Variants in DYM observed in about 807,000 individuals in gnomAD.
The protein encoded by DYM is dymeclin.
A neutral mutation model predicts 93.1 loss-of-function variants in DYM; 78 were observed. The observed-to-expected ratio is 0.84, with a 90% confidence interval of 0.70 to 1.01. The LOEUF is 1.01. Ranked by LOEUF, DYM falls within the 50% of genes least tolerant of loss-of-function variation. The pLI, the probability that DYM is intolerant of heterozygous loss-of-function variation, is 0.00. For synonymous variants in DYM, 321 were observed against 319.7 expected (o/e 1.00, Z -0.04); for missense variants, 789 against 845.0 (o/e 0.93, Z 0.82).
chr18:49,335,412 C>T (rs1599507426), intron 6 of DYM, among the ~76,000 whole-genome samples: 1 of 151,996 alleles, frequency 6.6e-6, no homozygotes, highest in African/African-American at 2.4e-5. Flanking sequence ...GCTGAGATTA[C>T]ACCACTGCAC....
chr18:49,399,934 C>CTTTTTTTTTTTTTTTTTT lies in DYM; in HGVS notation c.141-8307_141-8290dup, dbSNP rs1201370040. Among the ~76,000 whole-genome samples the CTTTTTTTTTTTTTTTTTT allele has an allele frequency of 6.2e-3, 409 of 66,122 alleles. 2 individuals are homozygous for CTTTTTTTTTTTTTTTTTT. Among genetic ancestry groups the CTTTTTTTTTTTTTTTTTT allele is most frequent in the Non-Finnish European group, 8.7e-3 (315 of 36,416 alleles). 43.4% of individuals were successfully genotyped at this position (66,122 alleles called of 152,430 possible). On this transcript the variant is annotated intron_variant, in intron 2 of 17. Coordinates refer to ENST00000675505, the MANE Select transcript of DYM (RefSeq NM_001353214.3). ...TTAAAAGACATTTATTTTTATTTTT[C>CTTTTTTTTTTTTTTTTTT]TTTTTTTTTTTTTTTTTTTTTTTTT...
intron 2 of DYM, among the ~76,000 whole-genome samples, chr18:49,397,697 T>C (rs1010533101): frequency 1.3e-5 from 2 of 152,218 alleles, no homozygotes; most frequent in African/African-American, 2.4e-5. Context: ...GAAAACTGAT[T>C]GCTCTTAGTT....
At chr18:49,275,132 T>C (rs1424025854) in intron 10 of DYM, among the ~76,000 whole-genome samples, 3 of 152,162 alleles carry the variant, frequency 2.0e-5, no homozygotes, top group African/African-American at 7.2e-5. Flanking sequence ...TTGACCCATT[T>C]TGAATTAACT....
chr18:49,299,140 G>A (rs916161504), intron 8 of DYM, among the ~76,000 whole-genome samples: 24 of 152,132 alleles, frequency 1.6e-4, no homozygotes, highest in African/African-American at 5.8e-4. Context: ...ACGGATCAAT[G>A]ATGATGGTGT....
At chr18:49,266,128 TTAAAC>T (rs1568133688) in intron 11 of DYM, among the ~76,000 whole-genome samples, 4 of 151,830 alleles carry the variant, frequency 2.6e-5, no homozygotes, top group Admixed American at 2.0e-4. Context: ...AATTAAATAA[TTAAAC>T]TAACAAAAAA....
intron 17 of DYM, among the ~76,000 whole-genome samples, chr18:49,075,156 A>G (rs529081143): frequency 6.6e-6 from 1 of 152,238 alleles, no homozygotes; most frequent in South Asian, 2.1e-4. Flanking sequence ...ATCAGTAAGG[A>G]CCCATAACCC....
intron 6 of DYM, among the ~76,000 whole-genome samples, chr18:49,345,192 T>C (rs1395419524): frequency 1.3e-5 from 2 of 152,166 alleles, no homozygotes; most frequent in African/African-American, 2.4e-5. Flanking sequence ...GTGCCAGTTG[T>C]TATAATTTCC....
intron 8 of DYM, among the ~76,000 whole-genome samples, chr18:49,293,587 G>A (rs1026152913): frequency 6.6e-6 from 1 of 152,108 alleles, no homozygotes; most frequent in Non-Finnish European, 1.5e-5. Context: ...GTGATGATGA[G>A]CTTTCATATG....
chr18:49,097,239 C>T, intron 17 of DYM, 163 bp downstream of exon 17: 2 of 677,916 alleles, frequency 3.0e-6, no homozygotes, highest in Non-Finnish European at 5.3e-6. Context: ...AGTATTAATG[C>T]TTCTTTTGAA....
At chr18:49,135,262 G>A (rs2083733994) in intron 15 of DYM, among the ~76,000 whole-genome samples, 1 of 152,092 alleles carries the variant, frequency 6.6e-6, no homozygotes, top group Admixed American at 6.5e-5. Flanking sequence ...AAAAACTACT[G>A]TCATAGATTC....
intron 17 of DYM, among the ~76,000 whole-genome samples, chr18:49,094,613 G>T (rs1233678788): frequency 6.6e-6 from 1 of 152,166 alleles, no homozygotes; most frequent in African/African-American, 2.4e-5. Context: ...TATATAGACA[G>T]ATTTATCCAA....
In DYM at chr18:49,301,814, G is replaced by A. The variant is rs184452346; in HGVS notation, c.764-15198C>T. Among the ~76,000 whole-genome samples the A allele has an allele frequency of 3.1e-3, 466 of 152,262 alleles. 4 individuals are homozygous for A. Among genetic ancestry groups the A allele is most frequent in the African/African-American group, 0.011 (444 of 41,556 alleles). On this transcript the variant is annotated intron_variant, in intron 8 of 17. Coordinates refer to ENST00000675505, the MANE Select transcript of DYM (RefSeq NM_001353214.3). The stretch of plus-strand genomic sequence containing the variant: ...AGTATGCATAATCCAGCCTGATAGT[G>A]GCACCTGCACTTGGTCTATCTGTCA...
At chr18:49,435,538 A>C (rs1285599987) in intron 1 of DYM, among the ~76,000 whole-genome samples, 2 of 152,174 alleles carry the variant, frequency 1.3e-5, no homozygotes, top group East Asian at 3.9e-4. Flanking sequence ...CTGTAATCCC[A>C]CCACTTTGGG....
chr18:49,176,644 G>C (rs2145385219), intron 14 of DYM, among the ~76,000 whole-genome samples: 1 of 148,614 alleles, frequency 6.7e-6, no homozygotes, highest in Middle Eastern at 3.5e-3. Context: ...TGAACTTCTG[G>C]CCTCAAATGA....
chr18:49,116,218 T>C (rs1046341470), intron 16 of DYM: 3 of 152,242 alleles, frequency 2.0e-5, no homozygotes, highest in Admixed American at 6.5e-5. Flanking sequence ...AATGTCATTT[T>C]ATCACATCAT....
chr18:49,084,041 T>C (rs2078279947), intron 17 of DYM, among the ~76,000 whole-genome samples: 1 of 152,184 alleles, frequency 6.6e-6, no homozygotes, highest in South Asian at 2.1e-4. Context: ...AGGTTTAATT[T>C]GCTTTTCTTT....
chr18:49,264,357 A>C (rs1386370576), intron 11 of DYM, among the ~76,000 whole-genome samples: 4 of 152,100 alleles, frequency 2.6e-5, no homozygotes, highest in Non-Finnish European at 5.9e-5. Flanking sequence ...TTCTGTATAC[A>C]ATTTGAGGAA....
At chr18:49,318,526 G>A (rs940118027) in intron 8 of DYM, among the ~76,000 whole-genome samples, 12 of 152,066 alleles carry the variant, frequency 7.9e-5, no homozygotes, top group African/African-American at 2.9e-4. Flanking sequence ...GGAGGCTGAG[G>A]CAGGAGAATC....
chr18:49,204,111 G>T (rs140463059), intron 14 of DYM, among the ~76,000 whole-genome samples: 88 of 152,152 alleles, frequency 5.8e-4, no homozygotes, highest in Non-Finnish European at 1.2e-3. Flanking sequence ...TGAAGAGAGG[G>T]TCTATAATTT....
Sources: allele counts gnomAD v4.1 joint callset (sites outside exome capture counted in the v4.1 genomes callset), GRCh38; gene constraint gnomAD v4.1.1; transcripts MANE v1.5; gene names NCBI Gene and HGNC (gene_info 2026-07-23, HGNC 2026-07-21).